The following MATN2 variants were observed in gnomAD, a reference collection of about 807,000 sequenced individuals.
The protein encoded by MATN2 is matrilin 2.
MATN2 carries 69 observed loss-of-function variants against 103.2 expected under a neutral mutation model. The observed-to-expected ratio is 0.67, with a 90% confidence interval of 0.55 to 0.82. The LOEUF (loss-of-function observed/expected upper bound fraction) is 0.82, where lower values mean the gene tolerates loss of function less well. MATN2 is among the 40% of genes least tolerant of loss of function. The probability of loss-of-function intolerance (pLI) is 0.00; values close to 1 mark genes in which losing one functional copy is unlikely to be tolerated. For synonymous variants in MATN2, 429 were observed against 450.2 expected, an observed-to-expected ratio of 0.95 and a Z score of 0.60; for missense variants, 1,023 against 1,211.5, an observed-to-expected ratio of 0.84 and a Z score of 2.31.
rs1810196900 is a variant in MATN2, at chr8:97,931,510, A to G, written c.700A>G (p.Lys234Glu). 1.9e-6 allele frequency: 3 copies of G among 1,606,694 alleles called. No individual in the cohort carries two copies. The East Asian group carries it at 6.7e-5, about 36-fold the overall frequency. Residue 234 changes from lysine (K) to glutamate (E), a missense_variant, in exon 3 of 19, where the codon AAG becomes GAG. By Grantham distance (56) the Lys-to-Glu change is moderately conservative. Coordinates refer to ENST00000254898, the MANE Select transcript of MATN2 (RefSeq NM_002380.5). The surrounding 1 kb of genome is among the most constrained non-coding windows in gnomAD (Gnocchi z 4.1). Reference sequence around the variant, plus strand: ...TGAGACGCTGACCTCCGTGTTCCAGAAGAAGTTGTGCAGTAAGTCCTGCTC... The same window carrying G: ...TGAGACGCTGACCTCCGTGTTCCAGGAGAAGTTGTGCAGTAAGTCCTGCTC... Reference protein sequence around the residue: ...QIETLTSVFQKKLCTAHMCST... With the variant: ...QIETLTSVFQEKLCTAHMCST...
At chr8:97,875,267 C>T (rs919039872) in intron 1 of MATN2, among the ~76,000 whole-genome samples, 26 of 152,168 alleles carry the variant, frequency 1.7e-4, no homozygotes, top group Admixed American at 1.6e-3. Flanking sequence ...CCACCCCCTT[C>T]CAGAATGTGC....
intron 6 of MATN2, among the ~76,000 whole-genome samples, chr8:97,990,581 C>T (rs937861360): frequency 2.0e-5 from 3 of 152,180 alleles, no homozygotes; most frequent in Non-Finnish European, 2.9e-5. Flanking sequence ...AGCCCTTCAG[C>T]AAGTGAATGG....
intron 2 of MATN2, among the ~76,000 whole-genome samples, chr8:97,926,675 G>T (rs1412304133): frequency 6.6e-6 from 1 of 152,194 alleles, no homozygotes; most frequent in East Asian, 1.9e-4. Flanking sequence ...CTTCAGAAGT[G>T]GTTATGGTCC....
intron 7 of MATN2, among the ~76,000 whole-genome samples, chr8:97,998,356 TA>T (rs1586139460): frequency 6.6e-6 from 1 of 150,610 alleles, no homozygotes; most frequent in Admixed American, 6.6e-5. Flanking sequence ...CCGTCTCTAC[TA>T]AAAAATATTA....
chr8:97,911,368 G>T (rs1809426889), intron 2 of MATN2, among the ~76,000 whole-genome samples: 1 of 152,060 alleles, frequency 6.6e-6, no homozygotes, highest in Non-Finnish European at 1.5e-5. Context: ...TTTTACAGGG[G>T]AGAATAAAAA....
chr8:97,961,613 A>G lies in MATN2; in HGVS notation c.958+83A>G, dbSNP rs1023025337. On this transcript the variant is annotated intron_variant, in intron 5 of 18. Transcript: ENST00000254898. ...GAGGGGAGACTCACGTGTACCTCCC[A>G]CATATTTGTTTCCTCACCTTTGGGT... is the stretch of plus-strand genomic sequence containing the variant. The G allele has an allele frequency of 1.8e-5, 25 of 1,381,170 alleles. No individual in the cohort carries two copies. The East Asian group carries it at 6.4e-4, about 36-fold the overall frequency. The allele number at this position is 1,381,170 out of a possible 1,614,324, so 85.6% of individuals were successfully genotyped here. A position where few individuals can be genotyped will look rare whatever the true frequency, so the allele number is the denominator to read the frequency against.
intron 6 of MATN2, among the ~76,000 whole-genome samples, chr8:97,993,520 A>G (rs933711118): frequency 2.0e-4 from 31 of 152,180 alleles, no homozygotes; most frequent in African/African-American, 7.5e-4. Flanking sequence ...AAACAAAAAA[A>G]TAAAAATACA....
At chr8:98,017,443 G>C (rs749425585) in intron 11 of MATN2, among the ~76,000 whole-genome samples, 6 of 152,164 alleles carry the variant, frequency 3.9e-5, no homozygotes, top group Non-Finnish European at 7.3e-5. Context: ...GTGTGACCCT[G>C]GTTTCCATCC....
Position 98,005,912 on chromosome 8 carries a change from C to G in MATN2, c.1328-1193C>G, listed in dbSNP as rs1387934418. On this transcript the variant is annotated intron_variant, in intron 8 of 18. Transcript: ENST00000254898. This position sits in a 1 kb window ranked among gnomAD's most constrained non-coding sequence, Gnocchi z 4.6. ...CAGGCATGTAGCTCCCAAGATCCAG[C>G]AAGTGTTCGCAGGAGATGCATCCAC... Among the ~76,000 whole-genome samples, 1 of 152,238 alleles carries G rather than the reference C, an allele frequency of 6.6e-6. No individual in the cohort carries two copies. Among genetic ancestry groups the G allele is most frequent in the Admixed American group, 6.5e-5 (1 of 15,286 alleles).
At chr8:97,988,219 C>CATATATATATATATATATAT (rs60086528) in intron 6 of MATN2, among the ~76,000 whole-genome samples, 1 of 124,346 alleles carries the variant, frequency 8.0e-6, no homozygotes, top group Non-Finnish European at 1.6e-5. Flanking sequence ...TACACACATA[C>CATATATATATATATATATAT]ATATATATAT....
intron 2 of MATN2, among the ~76,000 whole-genome samples, chr8:97,889,322 G>A (rs1305866768): frequency 3.3e-5 from 5 of 151,944 alleles, no homozygotes; most frequent in South Asian, 4.2e-4. Context: ...GTTCCTGAAA[G>A]TCCTTGTTTC....
chr8:98,008,464 C>G lies in MATN2; in HGVS notation c.1573+863C>G, dbSNP rs543690595. Among the ~76,000 whole-genome samples, 4 of 152,316 alleles carry G rather than the reference C, an allele frequency of 2.6e-5. No individual in the cohort carries two copies. In the East Asian group the frequency reaches 7.7e-4, roughly 29 times the overall value. On this transcript the variant is annotated intron_variant, in intron 10 of 18. Coordinates refer to ENST00000254898, the MANE Select transcript of MATN2 (RefSeq NM_002380.5). ...CCCTGACCACTGGTATAATTGTAGG[C>G]ACAACCTAATTTATCCACTTTTTAT... is the stretch of plus-strand genomic sequence containing the variant.
intron 2 of MATN2, among the ~76,000 whole-genome samples, chr8:97,910,346 C>A (rs1210565847): frequency 2.6e-5 from 4 of 152,146 alleles, no homozygotes; most frequent in African/African-American, 9.7e-5. Flanking sequence ...GTATGAGCCA[C>A]CATGCCTGGC....
chr8:97,991,139 G>A (rs1812376089), intron 6 of MATN2, among the ~76,000 whole-genome samples: 1 of 152,236 alleles, frequency 6.6e-6, no homozygotes, highest in African/African-American at 2.4e-5. Flanking sequence ...CACTCTGGTT[G>A]ATGGAAATTC....
chr8:97,930,139 C>T (rs1191461063), intron 2 of MATN2, among the ~76,000 whole-genome samples: 1 of 152,196 alleles, frequency 6.6e-6, no homozygotes, highest in Non-Finnish European at 1.5e-5. Context: ...AGCTCACGTC[C>T]CATCTCCTTG....
intron 17 of MATN2, 103 bp downstream of exon 17, chr8:98,033,279 T>C (rs1814108370): frequency 9.5e-7 from 1 of 1,052,906 alleles, no homozygotes; most frequent in Admixed American, 3.0e-5. Flanking sequence ...AAGTAGGAAA[T>C]AGTATAGAGG....
At chr8:97,952,616 C>T (rs964231833) in intron 4 of MATN2, among the ~76,000 whole-genome samples, 1 of 152,002 alleles carries the variant, frequency 6.6e-6, no homozygotes, top group Non-Finnish European at 1.5e-5. Context: ...TGGGTTTGAG[C>T]ACAGCTTTGG....
chr8:98,028,862 T>C (rs994179820), intron 14 of MATN2, among the ~76,000 whole-genome samples: 27 of 152,180 alleles, frequency 1.8e-4, no homozygotes, highest in Admixed American at 1.7e-3. Context: ...GCTAGGATTA[T>C]AGGCGTGAGC....
intron 3 of MATN2, among the ~76,000 whole-genome samples, chr8:97,937,693 A>G (rs1169623766): frequency 6.7e-6 from 1 of 149,028 alleles, no homozygotes; most frequent in Non-Finnish European, 1.5e-5. Context: ...GTTTCAAGCA[A>G]TTCTCCTGCC....
Sources: allele counts gnomAD v4.1 joint callset (sites outside exome capture counted in the v4.1 genomes callset), GRCh38; gene constraint gnomAD v4.1.1; non-coding constraint Gnocchi (gnomAD v3.1); transcripts MANE v1.5; gene names NCBI Gene and HGNC (gene_info 2026-07-23, HGNC 2026-07-21).